LHPP: variants seen among roughly 807,000 people sequenced by gnomAD.
LHPP encodes the protein hLHPP.
Under a neutral mutation model 30.3 loss-of-function variants are expected in LHPP, and 24 were observed. That is an observed-to-expected ratio of 0.79 (90% CI 0.57 to 1.11). The LOEUF is 1.11. LHPP is among the 50% of genes most tolerant of loss of function. The pLI is 0.00. For missense variants in LHPP, 356 were observed against 367.2 expected, an observed-to-expected ratio of 0.97 and a Z score of 0.25; for synonymous variants, 150 against 157.1, an observed-to-expected ratio of 0.95 and a Z score of 0.34.
intron 6 of LHPP, among the ~76,000 whole-genome samples, chr10:124,565,910 A>G (rs58107642): frequency 0.049 from 7,434 of 152,352 alleles, 554 homozygotes; most frequent in African/African-American, 0.17. Flanking sequence ...GGAGAAATCC[A>G]GGGTTGACAC....
chr10:124,541,592 G>A lies in LHPP; in HGVS notation c.716+24321G>A, dbSNP rs147015020. On this transcript the variant is annotated intron_variant, in intron 6 of 6. Transcript: ENST00000368842. The surrounding 1 kb of genome is among the most constrained non-coding windows in gnomAD (Gnocchi z 4.2). Reference sequence around the variant, plus strand: ...TCTCATGCCTGTCTGCAGGACCCCCGCGTGAGCCTGGGACCACCCGTGGGG... The same window carrying A: ...TCTCATGCCTGTCTGCAGGACCCCCACGTGAGCCTGGGACCACCCGTGGGG... Among the ~76,000 whole-genome samples, 57 of 152,192 alleles carry A rather than the reference G, an allele frequency of 3.7e-4. No homozygotes were observed. Among genetic ancestry groups the A allele is most frequent in the African/African-American group, 8.9e-4 (37 of 41,522 alleles).
intron 6 of LHPP, among the ~76,000 whole-genome samples, chr10:124,533,321 G>A (rs760304581): frequency 2.0e-5 from 3 of 152,248 alleles, no homozygotes; most frequent in African/African-American, 7.2e-5. Context: ...CCCCCAGAGC[G>A]GCTTCCTGCC....
chr10:124,602,604 GCCT>G (rs201236554), intron 6 of LHPP, among the ~76,000 whole-genome samples: 1 of 97,638 alleles, frequency 1.0e-5, no homozygotes, highest in Non-Finnish European at 2.3e-5. Context: ...CTCAGTGAGT[GCCT>G]CCTTCTGCGA....
chr10:124,526,123 G>A (rs567796642), intron 6 of LHPP: 113 of 953,414 alleles, frequency 1.2e-4, no homozygotes, highest in Middle Eastern at 5.3e-4. Flanking sequence ...TTGAGGGAGC[G>A]TCAGCAGGGC....
chr10:124,557,758 A>G (rs982182497), intron 6 of LHPP, among the ~76,000 whole-genome samples: 1 of 152,086 alleles, frequency 6.6e-6, no homozygotes, highest in African/African-American at 2.4e-5. Context: ...CTGGCCAAGC[A>G]GGGTACAGAG....
At chr10:124,498,185 G>A in intron 5 of LHPP, 57 bp downstream of exon 5, 1 of 1,342,434 alleles carries the variant, frequency 7.4e-7, no homozygotes, top group Non-Finnish European at 1.0e-6. Flanking sequence ...GGGAGGCCCT[G>A]GAGCTTGGAA....
rs550605696 is a variant in LHPP, at chr10:124,539,234, G to A, written c.716+21963G>A. Reference sequence around the variant, plus strand: ...CCTGGAATGCTTAAGGGGAGGCAATGGCATATCTTTAAGATGAGCACAGCT... The same window carrying A: ...CCTGGAATGCTTAAGGGGAGGCAATAGCATATCTTTAAGATGAGCACAGCT... On this transcript the variant is annotated intron_variant, in intron 6 of 6. Coordinates refer to ENST00000368842, the MANE Select transcript of LHPP (RefSeq NM_022126.4). Among the ~76,000 whole-genome samples, 96 of 152,274 alleles carry A rather than the reference G, an allele frequency of 6.3e-4. 1 individual carries two copies. The highest frequency in any genetic ancestry group is 1.6e-3 in the Admixed American group (25 of 15,288).
In LHPP at chr10:124,596,893, C is replaced by G. The variant is rs1000668573; in HGVS notation, c.717-16371C>G. The stretch of plus-strand genomic sequence containing the variant: ...GTTAAGTGTGTCTGTGAGGGTGTTG[C>G]CAGAGGAGACTGACTTTTGAGTCGG... On this transcript the variant is annotated intron_variant, in intron 6 of 6. Coordinates refer to ENST00000368842, the MANE Select transcript of LHPP (RefSeq NM_022126.4). The surrounding 1 kb of genome is among the most constrained non-coding windows in gnomAD (Gnocchi z 4.6). Among the ~76,000 whole-genome samples the G allele has an allele frequency of 2.6e-5, 4 of 152,276 alleles. No homozygotes were observed. Among genetic ancestry groups the G allele is most frequent in the South Asian group, 2.1e-4 (1 of 4,830 alleles).
chr10:124,490,516 C>T (rs940416931), intron 3 of LHPP: 21 of 359,226 alleles, frequency 5.8e-5, no homozygotes, highest in East Asian at 3.7e-4. Context: ...TCTTGGCTAC[C>T]GTGACTCCCT....
intron 6 of LHPP, among the ~76,000 whole-genome samples, chr10:124,556,588 T>G (rs1387255715): frequency 6.6e-6 from 1 of 152,216 alleles, no homozygotes; most frequent in Non-Finnish European, 1.5e-5. Flanking sequence ...CTAAGGTGTT[T>G]GGTACTTCTG....
intron 1 of LHPP, among the ~76,000 whole-genome samples, chr10:124,472,860 A>C (rs1037291443): frequency 3.3e-5 from 5 of 152,200 alleles, no homozygotes; most frequent in South Asian, 4.1e-4. Flanking sequence ...GCCCAGCCTA[A>C]ACTTCCATTT....
chr10:124,513,105 T>TG (rs1174012184), intron 5 of LHPP, among the ~76,000 whole-genome samples: 22 of 152,136 alleles, frequency 1.4e-4, no homozygotes, highest in South Asian at 4.1e-4. Context: ...TTTGTTTGTT[T>TG]TAAGACAGAG....
At chr10:124,580,110 G>A (rs1948724796) in intron 6 of LHPP, among the ~76,000 whole-genome samples, 1 of 133,050 alleles carries the variant, frequency 7.5e-6, no homozygotes, top group African/African-American at 2.5e-5. Flanking sequence ...TAGCTTCACT[G>A]TGGAATGCTT....
At chr10:124,556,019 A>G (rs960767098) in intron 6 of LHPP, among the ~76,000 whole-genome samples, 1 of 152,202 alleles carries the variant, frequency 6.6e-6, no homozygotes, top group African/African-American at 2.4e-5. Flanking sequence ...GCTTACATGC[A>G]CTGGCTCATT....
chr10:124,494,305 C>T (rs1008828088), intron 3 of LHPP, among the ~76,000 whole-genome samples: 1 of 152,178 alleles, frequency 6.6e-6, no homozygotes, highest in Non-Finnish European at 1.5e-5. Flanking sequence ...CTAGCTCCTC[C>T]AGCCGGCCCC....
rs4962658 is a variant in LHPP, at chr10:124,576,807, C to A, written c.717-36457C>A. 0.14 allele frequency among the ~76,000 whole-genome samples: 20,805 copies of A among 151,998 alleles called. 1,514 individuals are homozygous for A. Among genetic ancestry groups the A allele is most frequent in the East Asian group, 0.22 (1,134 of 5,124 alleles). ...GTTTGTGCAAAGCCCTGCCCTCGTG[C>A]ACCTGTCCTTCCGTAGCCCACGATA... On this transcript the variant is annotated intron_variant, in intron 6 of 6. Coordinates refer to ENST00000368842, the MANE Select transcript of LHPP (RefSeq NM_022126.4). This position sits in a 1 kb window ranked among gnomAD's most constrained non-coding sequence, Gnocchi z 4.2.
intron 5 of LHPP, among the ~76,000 whole-genome samples, chr10:124,503,317 C>G (rs1001345627): frequency 1.3e-5 from 2 of 151,308 alleles, no homozygotes; most frequent in Non-Finnish European, 2.9e-5. Context: ...CCGCCCGCCT[C>G]GGCCTCCCAA....
At chr10:124,599,253 C>G (rs751706433) in intron 6 of LHPP, among the ~76,000 whole-genome samples, 15 of 152,126 alleles carry the variant, frequency 9.9e-5, no homozygotes, top group Non-Finnish European at 2.2e-4. Flanking sequence ...ATGCATCATC[C>G]TTCCAACTGT....
intron 6 of LHPP, among the ~76,000 whole-genome samples, chr10:124,552,446 A>G (rs1280582227): frequency 6.6e-6 from 1 of 152,078 alleles, no homozygotes; most frequent in Non-Finnish European, 1.5e-5. Flanking sequence ...ATCCACATGG[A>G]GCTGTCTAAA....
Sources: allele counts gnomAD v4.1 joint callset (sites outside exome capture counted in the v4.1 genomes callset), GRCh38; gene constraint gnomAD v4.1.1; non-coding constraint Gnocchi (gnomAD v3.1); transcripts MANE v1.5; gene names NCBI Gene and HGNC (gene_info 2026-07-23, HGNC 2026-07-21).